NTRK2: variants seen among roughly 807,000 people sequenced by gnomAD.
NTRK2 encodes the protein BDNF/NT-3 growth factors receptor.
NTRK2 carries 13 observed loss-of-function variants against 94.5 expected under a neutral mutation model. The observed-to-expected ratio is 0.14, with a 90% CI of 0.09 to 0.22. NTRK2 has a LOEUF of 0.22. Among genes scored for constraint, NTRK2 ranks in the 10% least tolerant of loss-of-function variants. The pLI, the probability that NTRK2 is intolerant of heterozygous loss-of-function variation, is 1.00. For synonymous variants in NTRK2, 372 were observed against 407.4 expected, an observed-to-expected ratio of 0.91 and a Z score of 1.05; for missense variants, 639 against 1,071.2, an observed-to-expected ratio of 0.60 and a Z score of 5.63.
chr9:84,786,093 T>C (rs1205453361), intron 12 of NTRK2, among the ~76,000 whole-genome samples: 1 of 152,206 alleles, frequency 6.6e-6, no homozygotes, highest in Non-Finnish European at 1.5e-5. Context: ...ATTCAGCCAC[T>C]GTATGAGCCT....
At chr9:84,958,645 G>T (rs1219443881) in intron 17 of NTRK2, among the ~76,000 whole-genome samples, 1 of 152,134 alleles carries the variant, frequency 6.6e-6, no homozygotes, top group Non-Finnish European at 1.5e-5. Context: ...AACCAGCCTT[G>T]CAATGGCCTC....
intron 12 of NTRK2, among the ~76,000 whole-genome samples, chr9:84,823,758 C>T (rs896419582): frequency 2.0e-5 from 3 of 152,170 alleles, no homozygotes; most frequent in Non-Finnish European, 4.4e-5. Context: ...GTTGGCAAGA[C>T]CCTTCACATT....
In NTRK2 at chr9:84,834,648, C is replaced by T. The variant is rs150159804; in HGVS notation, c.1397-26392C>T. Among the ~76,000 whole-genome samples the T allele has an allele frequency of 4.7e-3, 720 of 152,244 alleles. 1 individual carries two copies. The highest frequency in any genetic ancestry group is 8.3e-3 in the Non-Finnish European group (563 of 68,030). On this transcript the variant is annotated intron_variant, in intron 12 of 18. Coordinates refer to ENST00000277120, the MANE Select transcript of NTRK2 (RefSeq NM_006180.6). ...TAACAATTGACTTCATCTTTCCTGG[C>T]TCGGGTTACTACCTCTGCGCACATG...
At chr9:84,937,190 G>T (rs2078241674) in intron 15 of NTRK2, among the ~76,000 whole-genome samples, 1 of 152,232 alleles carries the variant, frequency 6.6e-6, no homozygotes, top group Admixed American at 6.5e-5. Context: ...GAAACCAACT[G>T]AATGCAGCTG....
chr9:84,834,158 G>T (rs12056959), intron 12 of NTRK2, among the ~76,000 whole-genome samples: 1 of 152,020 alleles, frequency 6.6e-6, no homozygotes, highest in Non-Finnish European at 1.5e-5. Context: ...TATCAATAAG[G>T]TTGCCAGATT....
Position 85,020,169 on chromosome 9 carries a change from G to A in NTRK2, c.2173-37G>A, listed in dbSNP as rs1472760908. The A allele has an allele frequency of 2.5e-6, 4 of 1,613,076 alleles. No homozygotes were observed. In the African/African-American group the frequency reaches 4.0e-5, roughly 16 times the overall value. ...GCTCCCTTCCACACCTGGTTTCGGG[G>A]TGACTGATGCCTCCCTGTTGATCCC... On this transcript the variant is annotated intron_variant, in intron 17 of 18. Coordinates refer to ENST00000277120, the MANE Select transcript of NTRK2 (RefSeq NM_006180.6).
At chr9:84,987,503 C>T (rs1477541722) in intron 17 of NTRK2, among the ~76,000 whole-genome samples, 1 of 152,112 alleles carries the variant, frequency 6.6e-6, no homozygotes, top group Non-Finnish European at 1.5e-5. Context: ...CTTTATATTT[C>T]CCTCCTAGCT....
chr9:84,996,781 T>C lies in NTRK2; in HGVS notation c.2173-23425T>C, dbSNP rs77760484. 5.8e-3 allele frequency among the ~76,000 whole-genome samples: 878 copies of C among 152,296 alleles called. 26 individuals are homozygous for C. Among genetic ancestry groups the C allele is most frequent in the East Asian group, 0.04 (207 of 5,188 alleles). ...ATGAAAAGAAAGAATAGAGAAGAGA[T>C]ATAGAAAGAGGTAGAGAGAGACACA... On this transcript the variant is annotated intron_variant, in intron 17 of 18. Coordinates refer to ENST00000277120, the MANE Select transcript of NTRK2 (RefSeq NM_006180.6).
At chr9:84,699,289 G>A (rs551459290) in intron 2 of NTRK2, among the ~76,000 whole-genome samples, 81 of 152,234 alleles carry the variant, frequency 5.3e-4, no homozygotes, top group African/African-American at 2.0e-3. Flanking sequence ...GCCCGACTTG[G>A]CCTCCCAAAG....
intron 17 of NTRK2, among the ~76,000 whole-genome samples, chr9:85,002,707 T>G (rs1354629674): frequency 6.6e-6 from 1 of 152,182 alleles, no homozygotes; most frequent in Non-Finnish European, 1.5e-5. Context: ...ATGGTTGCAG[T>G]ATTATGTTTT....
intron 12 of NTRK2, among the ~76,000 whole-genome samples, chr9:84,782,488 C>G (rs1206485139): frequency 2.6e-5 from 4 of 152,150 alleles, no homozygotes; most frequent in African/African-American, 7.2e-5. Flanking sequence ...AGCAGAAAAG[C>G]TGTGGTATTT....
chr9:84,955,478 T>C lies in NTRK2; in HGVS notation c.2133T>C (p.Phe711=), dbSNP rs2132978904. The C allele has an allele frequency of 3.7e-6, 6 of 1,614,210 alleles. No homozygotes were observed. The highest frequency in any genetic ancestry group is 5.1e-6 in the Non-Finnish European group (6 of 1,180,024). The part of the protein sequence containing the change: ...GENLLVKIGD[F]GMSRDVYSTD... ...ACTTGCTGGTGAAAATCGGGGACTT[T>C]GGGATGTCCCGGGACGTGTACAGCA... Residue 711 remains phenylalanine (F), a synonymous_variant, in exon 17 of 19, where the codon TTT becomes TTC. Transcript: ENST00000277120.
intron 12 of NTRK2, among the ~76,000 whole-genome samples, chr9:84,781,687 A>AT (rs1449854472): frequency 3.3e-5 from 5 of 152,210 alleles, no homozygotes; most frequent in African/African-American, 1.2e-4. Flanking sequence ...AAGAACAAGC[A>AT]TATCAAGTGT....
intron 14 of NTRK2, chr9:84,874,649 G>A (rs201745430): frequency 2.7e-5 from 29 of 1,061,556 alleles, no homozygotes; most frequent in Non-Finnish European, 3.3e-5. Context: ...CTACTTCTTA[G>A]TTCAACCTGG....
In NTRK2 at chr9:84,812,752, A is replaced by T. The variant is rs200391288; in HGVS notation, c.1397-48288A>T. 61 of 1,039,920 alleles carry T rather than the reference A, an allele frequency of 5.9e-5. 1 individual carries two copies. Among genetic ancestry groups the T allele is most frequent in the Admixed American group, 5.6e-5 (1 of 17,840 alleles). The allele number at this position is 1,039,920 out of a possible 1,614,324, so 64.4% of individuals were successfully genotyped here. A position where few individuals can be genotyped will look rare whatever the true frequency, so the allele number is the denominator to read the frequency against. On this transcript the variant is annotated intron_variant, in intron 12 of 18. Coordinates refer to ENST00000277120, the MANE Select transcript of NTRK2 (RefSeq NM_006180.6). Reference sequence around the variant, plus strand: ...TTTAAGAACTATTTTAAAGTGTTCCAGACCCAAAAAGGAAAAATAAAAAAA... The same window carrying T: ...TTTAAGAACTATTTTAAAGTGTTCCTGACCCAAAAAGGAAAAATAAAAAAA...
chr9:84,983,756 C>T (rs1482457947), intron 17 of NTRK2, among the ~76,000 whole-genome samples: 2 of 152,184 alleles, frequency 1.3e-5, no homozygotes, highest in Admixed American at 1.3e-4. Flanking sequence ...ACACAAATTA[C>T]ATGATTTGAA....
intron 14 of NTRK2, among the ~76,000 whole-genome samples, chr9:84,903,934 G>A (rs1420516404): frequency 1.3e-5 from 2 of 152,154 alleles, no homozygotes; most frequent in African/African-American, 4.8e-5. Context: ...TAAATGGACA[G>A]TACCTACAAT....
rs1019186190 is a variant in NTRK2, at chr9:85,000,687, G to A, written c.2173-19519G>A. The stretch of plus-strand genomic sequence containing the variant: ...ACTGAAGGACATCTTAGCTGCTTCC[G>A]AATTTTGGCAATTATGAATAAAGCG... On this transcript the variant is annotated intron_variant, in intron 17 of 18. Transcript: ENST00000277120. 2.2e-4 allele frequency among the ~76,000 whole-genome samples: 33 copies of A among 152,106 alleles called. 1 individual carries two copies. Among genetic ancestry groups the A allele is most frequent in the South Asian group, 2.1e-4 (1 of 4,818 alleles).
At chr9:84,916,146 T>A (rs1488929567) in intron 14 of NTRK2, among the ~76,000 whole-genome samples, 1 of 151,754 alleles carries the variant, frequency 6.6e-6, no homozygotes, top group Non-Finnish European at 1.5e-5. Context: ...AGTTGCTGGA[T>A]CATAGCAACA....
Sources: allele counts gnomAD v4.1 joint callset (sites outside exome capture counted in the v4.1 genomes callset), GRCh38; gene constraint gnomAD v4.1.1; transcripts MANE v1.5; gene names NCBI Gene and HGNC (gene_info 2026-07-23, HGNC 2026-07-21).